Variants in NRXN1 observed in about 807,000 individuals in gnomAD.
NRXN1 encodes the protein neurexin 1.
Under a neutral mutation model 150.9 loss-of-function variants are expected in NRXN1, and 39 were observed. The ratio of observed to expected loss-of-function variants is 0.26; its 90% confidence interval spans 0.20 to 0.34. The LOEUF (loss-of-function observed/expected upper bound fraction) is 0.34. Ranked by LOEUF, NRXN1 falls within the 10% of genes least tolerant of loss-of-function variation. The probability of loss-of-function intolerance (pLI) is 1.00; values close to 1 mark genes in which losing one functional copy is unlikely to be tolerated. For missense variants in NRXN1, 1,815 were observed against 1,949.9 expected, an observed-to-expected ratio of 0.93 and a Z score of 1.30; for synonymous variants, 924 against 757.0, an observed-to-expected ratio of 1.22 and a Z score of -3.62.
chr2:50,201,120 T>G (rs1349923659), intron 18 of NRXN1, among the ~76,000 whole-genome samples: 2 of 152,154 alleles, frequency 1.3e-5, no homozygotes, highest in African/African-American at 2.4e-5. Context: ...AAATAGTTAT[T>G]TGCCTCTTAC....
intron 2 of NRXN1, among the ~76,000 whole-genome samples, chr2:50,962,235 T>C (rs1693313012): frequency 6.6e-6 from 1 of 151,714 alleles, no homozygotes; most frequent in Admixed American, 6.6e-5. Context: ...GCAGTTAATA[T>C]TAACAAAAGG....
intron 21 of NRXN1, among the ~76,000 whole-genome samples, chr2:49,955,349 G>C (rs1487766028): frequency 6.6e-6 from 1 of 152,116 alleles, no homozygotes; most frequent in East Asian, 1.9e-4. Context: ...AACATCTCTA[G>C]AAGTAACAAT....
At chr2:50,386,038 T>C (rs1257402296) in intron 17 of NRXN1, among the ~76,000 whole-genome samples, 2 of 151,992 alleles carry the variant, frequency 1.3e-5, no homozygotes, top group Non-Finnish European at 2.9e-5. Flanking sequence ...TGTATAAATA[T>C]CTATGATATA....
chr2:50,944,440 A>T (rs960173922), intron 2 of NRXN1, among the ~76,000 whole-genome samples: 3 of 152,204 alleles, frequency 2.0e-5, no homozygotes, highest in Non-Finnish European at 2.9e-5. Context: ...GATTATTTTA[A>T]GGACAAATTA....
At chr2:50,681,792 T>C (rs968703692) in intron 5 of NRXN1, among the ~76,000 whole-genome samples, 1 of 152,210 alleles carries the variant, frequency 6.6e-6, no homozygotes, top group African/African-American at 2.4e-5. Flanking sequence ...AGTGGTTTGA[T>C]GTTAAATCAA....
At chr2:50,248,987 C>CTT (rs111366889) in intron 17 of NRXN1, among the ~76,000 whole-genome samples, 117 of 134,406 alleles carry the variant, frequency 8.7e-4, no homozygotes, top group African/African-American at 1.4e-3. Context: ...TCTTTACAAA[C>CTT]TTTTTTTTTT....
At chr2:50,828,436 G>C (rs1487102996) in intron 5 of NRXN1, among the ~76,000 whole-genome samples, 2 of 151,654 alleles carry the variant, frequency 1.3e-5, no homozygotes, top group African/African-American at 4.8e-5. Flanking sequence ...CTCAGACGGG[G>C]CGGCTGCCGG....
chr2:50,108,759 T>C (rs898306501), intron 18 of NRXN1, among the ~76,000 whole-genome samples: 1 of 152,116 alleles, frequency 6.6e-6, no homozygotes, highest in African/African-American at 2.4e-5. Flanking sequence ...GCGTTCCCAA[T>C]GAAGTAAAAC....
intron 8 of NRXN1, among the ~76,000 whole-genome samples, chr2:50,566,098 G>A (rs534848561): frequency 3.3e-5 from 5 of 152,212 alleles, no homozygotes; most frequent in East Asian, 1.9e-4. Flanking sequence ...ATAAACACAC[G>A]TTCCTCACTT....
At chr2:50,988,107 A>G (rs1697992835) in intron 2 of NRXN1, among the ~76,000 whole-genome samples, 1 of 151,982 alleles carries the variant, frequency 6.6e-6, no homozygotes, top group Admixed American at 6.6e-5. Flanking sequence ...TAAGATACAG[A>G]TTCTTCCATA....
At chr2:50,754,267 C>T (rs1180000440) in intron 5 of NRXN1, among the ~76,000 whole-genome samples, 1 of 151,748 alleles carries the variant, frequency 6.6e-6, no homozygotes, top group Admixed American at 6.6e-5. Flanking sequence ...TTACACTATG[C>T]TCCTAGTTCA....
chr2:50,273,729 A>G (rs1229654977), intron 17 of NRXN1, among the ~76,000 whole-genome samples: 3 of 152,146 alleles, frequency 2.0e-5, no homozygotes, highest in African/African-American at 7.2e-5. Context: ...TGGTATTACT[A>G]TATAAAAGAG....
At chr2:50,523,469 C>T (rs963222249) in intron 12 of NRXN1, among the ~76,000 whole-genome samples, 1 of 152,168 alleles carries the variant, frequency 6.6e-6, no homozygotes, top group African/African-American at 2.4e-5. Flanking sequence ...TTTATGTTAA[C>T]AAGCTCCAGC....
intron 5 of NRXN1, among the ~76,000 whole-genome samples, chr2:50,691,072 T>C (rs1427023290): frequency 1.3e-5 from 2 of 152,194 alleles, no homozygotes; most frequent in African/African-American, 2.4e-5. Flanking sequence ...ATGACTGAAT[T>C]TTAGATGGAG....
intron 5 of NRXN1, among the ~76,000 whole-genome samples, chr2:50,848,201 A>G (rs746307828): frequency 3.9e-5 from 6 of 152,072 alleles, no homozygotes; most frequent in African/African-American, 7.2e-5. Flanking sequence ...AGACGTTCAA[A>G]CAGCAGGGCA....
chr2:50,495,992 T>C lies in NRXN1; in HGVS notation c.2983A>G (p.Arg995Gly). ...ACAGTGTGGAGGTTGCTGGTGTCCCTTGATATCATCACGTTGTGCCACTGA... is the reference window on the plus strand; with the variant it reads ...ACAGTGTGGAGGTTGCTGGTGTCCCCTGATATCATCACGTTGTGCCACTGA... ...DNQWHNVMISRDTSNLHTVKI... is the reference protein window; with the variant it reads ...DNQWHNVMISGDTSNLHTVKI... The change falls in exon 15 of 23, where the codon AGG (arginine) becomes GGG (glycine). Residue 995 changes from arginine (R) to glycine (G), a missense_variant. Arg to Gly is a moderately radical substitution (Grantham distance 125). This residue lies in a region of NRXN1 where 339 missense variants were observed against 440.3 expected (regional missense o/e 0.77). Transcript: ENST00000401669. 3 of 1,613,776 alleles carry C rather than the reference T, an allele frequency of 1.9e-6. No individual in the cohort carries two copies. The highest frequency in any genetic ancestry group is 2.5e-6 in the Non-Finnish European group (3 of 1,179,782).
At chr2:50,102,023 G>A (rs1267432072) in intron 18 of NRXN1, among the ~76,000 whole-genome samples, 2 of 151,712 alleles carry the variant, frequency 1.3e-5, no homozygotes, top group Non-Finnish European at 2.9e-5. Flanking sequence ...TGTGTATATG[G>A]GCATAGAAAT....
intron 5 of NRXN1, among the ~76,000 whole-genome samples, chr2:50,894,583 T>C (rs1457959399): frequency 6.6e-6 from 1 of 152,104 alleles, no homozygotes; most frequent in Non-Finnish European, 1.5e-5. Context: ...ATAAATTTTC[T>C]TTATAGTGTC....
intron 21 of NRXN1, among the ~76,000 whole-genome samples, chr2:50,048,101 T>C (rs1034693701): frequency 2.6e-5 from 4 of 152,094 alleles, no homozygotes; most frequent in Non-Finnish European, 4.4e-5. Flanking sequence ...TTGCCAGTAA[T>C]GAGAGGAGAA....
Sources: gnomAD v4.1 joint callset for allele counts (sites outside exome capture counted in the v4.1 genomes callset) on GRCh38, gnomAD v4.1.1 for gene constraint, gnomAD v4.1.1 regional missense constraint, MANE v1.5 for transcripts, NCBI Gene and HGNC (gene_info 2026-07-23, HGNC 2026-07-21) for gene names.